DENND6B: variants seen among roughly 807,000 people sequenced by gnomAD.
The protein encoded by DENND6B is DENN domain containing 6B.
A neutral mutation model predicts 85.1 loss-of-function variants in DENND6B; 73 were observed. The observed-to-expected ratio is 0.86, with a 90% confidence interval of 0.71 to 1.04. The LOEUF is 1.04. Ranked by LOEUF, DENND6B falls within the 50% of genes least tolerant of loss-of-function variation. The pLI is 0.00. For synonymous variants in DENND6B, 357 were observed against 329.3 expected (o/e 1.08, Z -0.91); for missense variants, 715 against 785.8 (o/e 0.91, Z 1.08).
chr22:50,321,760 G>A (rs2042052083), intron 1 of DENND6B, among the ~76,000 whole-genome samples: 1 of 152,126 alleles, frequency 6.6e-6, no homozygotes, highest in Non-Finnish European at 1.5e-5. Flanking sequence ...TCGACCTCCT[G>A]GGCTCAAGCA....
chr22:50,319,320 C>G (rs1381462571), intron 1 of DENND6B: 6 of 985,256 alleles, frequency 6.1e-6, no homozygotes, highest in South Asian at 9.4e-5. Flanking sequence ...ACTCCCCTGC[C>G]GGCCAGAGGC....
rs2042205967 is a variant in DENND6B, at chr22:50,326,929, T to C, written c.60A>G (p.Gly20=). ...RRARGCLGAA[G]PTSSGRAART... is the part of the protein sequence containing the mutation. The stretch of plus-strand genomic sequence containing the variant: ...GCGCCGCGCGACCTGAAGACGTGGG[T>C]CCAGCCGCGCCCAGGCAGCCGCGAG... Residue 20 remains glycine (G), a synonymous_variant, in exon 1 of 20, where the codon GGA becomes GGG. Transcript: ENST00000413817. 7.6e-7 allele frequency: 1 copy of C among 1,319,244 alleles called. No homozygotes were observed. Among genetic ancestry groups the C allele is most frequent in the Non-Finnish European group, 9.6e-7 (1 of 1,039,052 alleles). The allele number at this position is 1,319,244 out of a possible 1,614,324, so 81.7% of individuals were successfully genotyped here. A position where few individuals can be genotyped will look rare whatever the true frequency, so the allele number is the denominator to read the frequency against.
intron 1 of DENND6B, among the ~76,000 whole-genome samples, chr22:50,323,020 C>CTTTTTTTTTT (rs386395718): frequency 2.6e-5 from 1 of 39,020 alleles, no homozygotes; most frequent in African/African-American, 1.3e-4. Context: ...CCGGCTAATG[C>CTTTTTTTTTT]TTTTTTTTTT....
In DENND6B at chr22:50,316,406, C is replaced by A; in HGVS notation, c.523G>T (p.Glu175Ter). ...FQALLSLIAP[E>*]YFDKLAPCLE... The stretch of plus-strand genomic sequence containing the variant: ...CAGGGCGCCAGCTTGTCAAAGTACT[C>A]GGGGGCGATGAGGCTTAGCAGCGCT... The change falls in exon 6 of 20, where the codon GAG (glutamate) becomes TAG (stop). Residue 175 changes from glutamate to a stop codon, truncating the protein, a stop_gained. Coordinates refer to ENST00000413817, the MANE Select transcript of DENND6B (RefSeq NM_001001794.4). LOFTEE classifies it high-confidence loss of function. The A allele has an allele frequency of 6.3e-7, 1 of 1,586,216 alleles. No individual in the cohort carries two copies. The highest frequency in any genetic ancestry group is 2.3e-5 in the East Asian group (1 of 42,942).
intron 15 of DENND6B, 35 bp from the exon 16 acceptor site, chr22:50,313,534 C>T: frequency 2.0e-6 from 3 of 1,534,444 alleles, no homozygotes; most frequent in Non-Finnish European, 2.6e-6. Context: ...AGCCCGGGGA[C>T]CCATGCCCCC....
At position 50,312,587 on chromosome 22, in the gene DENND6B, C is replaced by T. The variant is rs754969072; in HGVS notation, c.1496G>A (p.Arg499Gln). ...FKSPHFDGWY[R>Q]QRHKEMALKL... is the part of the protein sequence containing the mutation. ...CAGGGCCATCTCCTTGTGCCGCTGC[C>T]GGTACCAGCCATCAAAATGGGGGGA... The change falls in exon 18 of 20, where the codon CGG becomes CAG. Residue 499 changes from arginine (R) to glutamine (Q), a missense_variant. Arg to Gln is a conservative substitution (Grantham distance 43). Coordinates refer to ENST00000413817, the MANE Select transcript of DENND6B (RefSeq NM_001001794.4). 17 of 1,587,724 alleles carry T rather than the reference C, an allele frequency of 1.1e-5. No individual in the cohort carries two copies. Among genetic ancestry groups the T allele is most frequent in the East Asian group, 2.3e-5 (1 of 43,598 alleles).
At chr22:50,313,333 G>T in intron 16 of DENND6B, 113 bp downstream of exon 16, 1 of 1,391,018 alleles carries the variant, frequency 7.2e-7, no homozygotes, top group South Asian at 1.5e-5. Context: ...TGATGGCCTT[G>T]AGGCCTGTGG....
At chr22:50,315,956 C>T (rs1318899356) in intron 8 of DENND6B, 69 bp downstream of exon 8, 25 of 1,607,676 alleles carry the variant, frequency 1.6e-5, no homozygotes, top group Non-Finnish European at 1.8e-5. Context: ...TGGGACCACC[C>T]GGCCCAGGAG....
intron 1 of DENND6B, among the ~76,000 whole-genome samples, chr22:50,319,690 G>A (rs911000915): frequency 4.8e-5 from 7 of 146,336 alleles, no homozygotes; most frequent in Non-Finnish European, 8.8e-5. Context: ...GGCCCCGGTC[G>A]TGCTGCTCCC....
chr22:50,317,160 C>T (rs2041877247), intron 5 of DENND6B, 133 bp downstream of exon 5: 1 of 899,810 alleles, frequency 1.1e-6, no homozygotes, highest in Non-Finnish European at 1.7e-6. Context: ...GAGCTGGACA[C>T]AGCCCAGGTG....
In DENND6B at chr22:50,318,828, G is replaced by A; in HGVS notation, c.259+19C>T. ...CAGCTGGCTTCATGTCCAGCCCCAG[G>A]AAAGGTGGGGTTGCCTACCTGAGTG... On this transcript the variant is annotated intron_variant, in intron 3 of 19. Coordinates refer to ENST00000413817, the MANE Select transcript of DENND6B (RefSeq NM_001001794.4). 1 of 1,612,710 alleles carries A rather than the reference G, an allele frequency of 6.2e-7. No individual in the cohort carries two copies. Among genetic ancestry groups the A allele is most frequent in the Non-Finnish European group, 8.5e-7 (1 of 1,179,472 alleles).
intron 16 of DENND6B, 97 bp from the exon 17 acceptor site, chr22:50,313,205 C>A: frequency 7.8e-7 from 1 of 1,278,096 alleles, no homozygotes; most frequent in Non-Finnish European, 1.1e-6. Context: ...TTCTGAAGAC[C>A]CCCAGCCCCC....
At chr22:50,319,139 T>C in intron 1 of DENND6B, 136 bp from the exon 2 acceptor site, 1 of 1,535,404 alleles carries the variant, frequency 6.5e-7, no homozygotes. Context: ...CCCAAGGTGC[T>C]GGCTCGCCCC....
At chr22:50,323,865 T>C (rs1235721620) in intron 1 of DENND6B, among the ~76,000 whole-genome samples, 3 of 151,892 alleles carry the variant, frequency 2.0e-5, no homozygotes, top group Non-Finnish European at 4.4e-5. Flanking sequence ...CCTGAGTAGC[T>C]ATAACTACAG....
chr22:50,316,637 C>T, intron 5 of DENND6B, 162 bp from the exon 6 acceptor site: 1 of 1,527,570 alleles, frequency 6.5e-7, no homozygotes, highest in Non-Finnish European at 8.8e-7. Context: ...CTGACTTGGA[C>T]CCCAGAATTA....
chr22:50,323,114 G>A (rs548697314), intron 1 of DENND6B, among the ~76,000 whole-genome samples: 4 of 123,728 alleles, frequency 3.2e-5, no homozygotes, highest in South Asian at 2.8e-4. Context: ...TGATCAGCCC[G>A]CCTCAGCCTC....
intron 1 of DENND6B, among the ~76,000 whole-genome samples, chr22:50,325,996 G>C (rs1039822067): frequency 7.2e-5 from 11 of 152,230 alleles, no homozygotes; most frequent in Non-Finnish European, 1.6e-4. Context: ...TACCCCTCAC[G>C]AGGTTCCTTG....
intron 1 of DENND6B, among the ~76,000 whole-genome samples, chr22:50,326,159 C>T (rs2042183486): frequency 1.3e-5 from 2 of 152,372 alleles, no homozygotes; most frequent in South Asian, 2.1e-4. Context: ...TGAGTGGAGG[C>T]CTGCAGGCAG....
intron 5 of DENND6B, chr22:50,316,763 G>T: frequency 7.4e-7 from 1 of 1,349,472 alleles, no homozygotes; most frequent in East Asian, 4.2e-5. Context: ...ACCTCCCCAG[G>T]GGCTGAGCAG....
Sources: gnomAD v4.1 joint callset for allele counts (sites outside exome capture counted in the v4.1 genomes callset) on GRCh38, gnomAD v4.1.1 for gene constraint, MANE v1.5 for transcripts, NCBI Gene and HGNC (gene_info 2026-07-23, HGNC 2026-07-21) for gene names.